PPFIA2: variants seen among roughly 807,000 people sequenced by gnomAD.
The protein encoded by PPFIA2 is PPFI scaffold protein A2.
In PPFIA2, 46 loss-of-function variants were observed where a neutral mutation model predicts 175.5. That is an observed-to-expected ratio of 0.26 (90% confidence interval 0.21 to 0.34). The LOEUF (loss-of-function observed/expected upper bound fraction) is 0.34, where lower values mean the gene tolerates loss of function less well. Ranked by LOEUF, PPFIA2 falls within the 10% of genes least tolerant of loss-of-function variation. PPFIA2 has a pLI of 1.00. For synonymous variants in PPFIA2, 568 were observed against 511.4 expected (o/e 1.11, Z -1.49); for missense variants, 1,179 against 1,506.1 (o/e 0.78, Z 3.60).
At chr12:81,345,958 C>T (rs1471411888) in intron 18 of PPFIA2, among the ~76,000 whole-genome samples, 1 of 152,004 alleles carries the variant, frequency 6.6e-6, no homozygotes, top group African/African-American at 2.4e-5. Context: ...TTCTGGTTGG[C>T]CATTGTCTAT....
intron 4 of PPFIA2, among the ~76,000 whole-genome samples, chr12:81,466,934 A>C (rs2055765496): frequency 6.8e-6 from 1 of 147,730 alleles, no homozygotes; most frequent in Admixed American, 6.8e-5. Flanking sequence ...GTAATAAATA[A>C]TATACATAAA....
intron 30 of PPFIA2, among the ~76,000 whole-genome samples, chr12:81,263,759 G>T (rs1016996675): frequency 2.0e-5 from 3 of 152,160 alleles, no homozygotes; most frequent in Non-Finnish European, 2.9e-5. Context: ...AATTGAATCA[G>T]TTGTTGAGTA....
At position 81,579,058 on chromosome 12, in the gene PPFIA2, C is replaced by T. The variant is rs186618175; in HGVS notation, c.303+97733G>A. Among the ~76,000 whole-genome samples, 33 of 151,846 alleles carry T rather than the reference C, an allele frequency of 2.2e-4. No individual in the cohort carries two copies. In the South Asian group the frequency reaches 3.5e-3, roughly 16 times the overall value. On this transcript the variant is annotated intron_variant, in intron 4 of 32. Transcript: ENST00000549396. ...TAAGTGAAGCTAAATTGAAAAAAAT[C>T]ATGAGACAAGTTATTAGTGAATATT...
At chr12:81,527,029 T>C (rs1351888042) in intron 4 of PPFIA2, among the ~76,000 whole-genome samples, 1 of 152,180 alleles carries the variant, frequency 6.6e-6, no homozygotes, top group Non-Finnish European at 1.5e-5. Context: ...CTTCACATAA[T>C]TGTAAAGTGG....
intron 7 of PPFIA2, among the ~76,000 whole-genome samples, chr12:81,427,245 C>T (rs2047293297): frequency 1.3e-5 from 2 of 151,860 alleles, no homozygotes; most frequent in Non-Finnish European, 1.5e-5. Flanking sequence ...GTAACTACAC[C>T]GAAATTGAAA....
At chr12:81,636,693 C>A (rs2064109110) in intron 4 of PPFIA2, among the ~76,000 whole-genome samples, 1 of 152,012 alleles carries the variant, frequency 6.6e-6, no homozygotes, top group African/African-American at 2.4e-5. Context: ...TGTTCTGTAG[C>A]TCAGGCTGGA....
Position 81,458,610 on chromosome 12 carries a change from T to C in PPFIA2, c.304-744A>G, listed in dbSNP as rs74725370. On this transcript the variant is annotated intron_variant, in intron 4 of 32. Coordinates refer to ENST00000549396, the MANE Select transcript of PPFIA2 (RefSeq NM_003625.5). Reference sequence around the variant, plus strand: ...AGTAATTCTGTCTTCATGTGGTTAATGACACTGTGAAGGAATCTTCATTGG... The same window carrying C: ...AGTAATTCTGTCTTCATGTGGTTAACGACACTGTGAAGGAATCTTCATTGG... Among the ~76,000 whole-genome samples the C allele has an allele frequency of 1.1e-4, 17 of 152,236 alleles. 1 individual carries two copies. The East Asian group carries it at 3.3e-3, about 29-fold the overall frequency.
chr12:81,731,924 G>C (rs917208767), intron 3 of PPFIA2, among the ~76,000 whole-genome samples: 1 of 151,568 alleles, frequency 6.6e-6, no homozygotes, highest in African/African-American at 2.4e-5. Flanking sequence ...AGTCACTAAA[G>C]AGTCAGCAGT....
rs550931655 is a variant in PPFIA2, at chr12:81,487,260, C to T, written c.304-29394G>A. Among the ~76,000 whole-genome samples, 7 of 151,974 alleles carry T rather than the reference C, an allele frequency of 4.6e-5. No homozygotes were observed. The East Asian group carries it at 7.8e-4, about 17-fold the overall frequency. On this transcript the variant is annotated intron_variant, in intron 4 of 32. Coordinates refer to ENST00000549396, the MANE Select transcript of PPFIA2 (RefSeq NM_003625.5). Reference sequence around the variant, plus strand: ...CAAGGAGGTTAAAGTCTCCAGCTCTCGAAGCAACTGCTTGTTATTTGAATT... The same window carrying T: ...CAAGGAGGTTAAAGTCTCCAGCTCTTGAAGCAACTGCTTGTTATTTGAATT...
chr12:81,309,875 A>C (rs959829601), intron 22 of PPFIA2, among the ~76,000 whole-genome samples: 1 of 152,080 alleles, frequency 6.6e-6, no homozygotes, highest in Non-Finnish European at 1.5e-5. Context: ...ACACACACAC[A>C]CATACACACA....
chr12:81,585,920 T>C (rs1438572033), intron 4 of PPFIA2, among the ~76,000 whole-genome samples: 1 of 151,944 alleles, frequency 6.6e-6, no homozygotes, highest in African/African-American at 2.4e-5. Flanking sequence ...ACCACCAGCA[T>C]GATGCATTGT....
chr12:81,365,513 C>A (rs1340072662), intron 14 of PPFIA2, among the ~76,000 whole-genome samples: 1 of 151,666 alleles, frequency 6.6e-6, no homozygotes, highest in Non-Finnish European at 1.5e-5. Flanking sequence ...GCACACAGAG[C>A]TTTGGATAAC....
chr12:81,286,041 T>C (rs189200417), intron 24 of PPFIA2, among the ~76,000 whole-genome samples: 2 of 151,986 alleles, frequency 1.3e-5, no homozygotes, highest in African/African-American at 2.4e-5. Context: ...AGGCCTATAG[T>C]GATTTTTGTG....
intron 4 of PPFIA2, among the ~76,000 whole-genome samples, chr12:81,490,313 T>TA (rs2059292470): frequency 6.6e-6 from 1 of 151,706 alleles, no homozygotes. Context: ...ATAGCCAATC[T>TA]AAACATTACA....
At chr12:81,540,562 G>A (rs888937006) in intron 4 of PPFIA2, among the ~76,000 whole-genome samples, 1 of 151,960 alleles carries the variant, frequency 6.6e-6, no homozygotes, top group Non-Finnish European at 1.5e-5. Context: ...CTTTAGGACA[G>A]GGAGAATTTA....
intron 28 of PPFIA2, among the ~76,000 whole-genome samples, chr12:81,271,411 C>T (rs2039066390): frequency 6.6e-6 from 1 of 152,134 alleles, no homozygotes; most frequent in Non-Finnish European, 1.5e-5. Context: ...GCTGGGACTA[C>T]AGGCATGCGC....
At chr12:81,622,539 T>C (rs746686847) in intron 4 of PPFIA2, among the ~76,000 whole-genome samples, 53 of 152,036 alleles carry the variant, frequency 3.5e-4, no homozygotes, top group Non-Finnish European at 5.3e-4. Flanking sequence ...AAGGAAAAAA[T>C]CAGAAAACAG....
chr12:81,690,711 T>C (rs1354680366), intron 3 of PPFIA2, among the ~76,000 whole-genome samples: 1 of 152,100 alleles, frequency 6.6e-6, no homozygotes, highest in Non-Finnish European at 1.5e-5. Flanking sequence ...TGACTTAAAA[T>C]AACACAAATT....
chr12:81,354,970 G>C (rs115165940), intron 16 of PPFIA2, among the ~76,000 whole-genome samples: 1 of 152,218 alleles, frequency 6.6e-6, no homozygotes, highest in African/African-American at 2.4e-5. Context: ...CTTCTCCCAT[G>C]AGTCATAAAT....
Sources: gnomAD v4.1 joint callset for allele counts (sites outside exome capture counted in the v4.1 genomes callset) on GRCh38, gnomAD v4.1.1 for gene constraint, MANE v1.5 for transcripts, NCBI Gene and HGNC (gene_info 2026-07-23, HGNC 2026-07-21) for gene names.